Variants in PTPRM observed in about 807,000 individuals in gnomAD.
PTPRM encodes protein tyrosine phosphatase receptor type M, also known as receptor-type tyrosine-protein phosphatase mu.
A neutral mutation model predicts 186.7 loss-of-function variants in PTPRM; 47 were observed. The observed-to-expected ratio is 0.25, with a 90% CI of 0.20 to 0.32. PTPRM has a LOEUF of 0.32. Ranked by LOEUF, PTPRM falls within the 10% of genes least tolerant of loss-of-function variation. PTPRM has a pLI of 1.00. For synonymous variants in PTPRM, 668 were observed against 674.9 expected, an observed-to-expected ratio of 0.99 and a Z score of 0.16; for missense variants, 1,494 against 1,865.0, an observed-to-expected ratio of 0.80 and a Z score of 3.66.
chr18:8,193,833 T>A (rs2093740142), intron 14 of PTPRM, among the ~76,000 whole-genome samples: 1 of 152,244 alleles, frequency 6.6e-6, no homozygotes, highest in Non-Finnish European at 1.5e-5. Context: ...CACTCTGCTA[T>A]GTGTCGCTGA....
At chr18:7,957,975 A>G (rs763500517) in intron 7 of PTPRM, among the ~76,000 whole-genome samples, 3 of 152,202 alleles carry the variant, frequency 2.0e-5, no homozygotes, top group Non-Finnish European at 2.9e-5. Flanking sequence ...ATCCTTGGCC[A>G]GGGGCAAATG....
chr18:7,634,275 G>A (rs1692592171), intron 1 of PTPRM, among the ~76,000 whole-genome samples: 1 of 151,754 alleles, frequency 6.6e-6, no homozygotes. Flanking sequence ...CCAGCCTCTC[G>A]ATTCCCATTG....
At chr18:7,805,251 CT>C (rs1325913085) in intron 2 of PTPRM, among the ~76,000 whole-genome samples, 1 of 152,184 alleles carries the variant, frequency 6.6e-6, no homozygotes, top group Non-Finnish European at 1.5e-5. Context: ...AACTTAACAT[CT>C]CTTAAACCGC....
intron 14 of PTPRM, among the ~76,000 whole-genome samples, chr18:8,168,271 T>C (rs2093351293): frequency 6.6e-6 from 1 of 152,236 alleles, no homozygotes; most frequent in African/African-American, 2.4e-5. Context: ...CTAATCTTAG[T>C]TTTATACCAA....
intron 4 of PTPRM, among the ~76,000 whole-genome samples, chr18:7,914,205 T>A (rs1372551731): frequency 6.6e-6 from 1 of 152,170 alleles, no homozygotes; most frequent in African/African-American, 2.4e-5. Flanking sequence ...GGACTCAGAA[T>A]TGACCTTTCA....
At chr18:7,984,913 T>A (rs1170465583) in intron 7 of PTPRM, among the ~76,000 whole-genome samples, 3 of 114,766 alleles carry the variant, frequency 2.6e-5, no homozygotes, top group African/African-American at 7.0e-5. Flanking sequence ...ATACATATAA[T>A]TATATATACA....
chr18:7,800,326 T>A (rs576648923), intron 2 of PTPRM, among the ~76,000 whole-genome samples: 1 of 152,328 alleles, frequency 6.6e-6, no homozygotes, highest in East Asian at 1.9e-4. Context: ...GAAAATATGT[T>A]TATCAGTCTT....
intron 14 of PTPRM, among the ~76,000 whole-genome samples, chr18:8,211,511 C>A (rs977332591): frequency 1.3e-5 from 2 of 148,216 alleles, no homozygotes; most frequent in African/African-American, 5.0e-5. Flanking sequence ...TCAAGTGATT[C>A]TCCTACCTCA....
chr18:8,177,044 T>G (rs1423721121), intron 14 of PTPRM, among the ~76,000 whole-genome samples: 1 of 152,236 alleles, frequency 6.6e-6, no homozygotes, highest in African/African-American at 2.4e-5. Flanking sequence ...TTCATATTTC[T>G]TCTGTCAACC....
chr18:8,026,165 C>T (rs1242911712), intron 7 of PTPRM, among the ~76,000 whole-genome samples: 2 of 152,170 alleles, frequency 1.3e-5, no homozygotes, highest in South Asian at 2.1e-4. Flanking sequence ...TATTCAGAGG[C>T]GGGATTTCTC....
chr18:7,957,153 A>G (rs1260095004), intron 7 of PTPRM, among the ~76,000 whole-genome samples: 2 of 150,660 alleles, frequency 1.3e-5, no homozygotes, highest in East Asian at 1.9e-4. Context: ...CCCCACCTAC[A>G]TAATGTTTCC....
intron 4 of PTPRM, among the ~76,000 whole-genome samples, chr18:7,909,337 G>T (rs1485979530): frequency 6.6e-6 from 1 of 152,130 alleles, no homozygotes. Context: ...TACCTAATTG[G>T]CTTTGGGAAC....
At chr18:8,276,964 C>T (rs1237126688) in intron 19 of PTPRM, among the ~76,000 whole-genome samples, 1 of 149,154 alleles carries the variant, frequency 6.7e-6, no homozygotes, top group Non-Finnish European at 1.5e-5. Flanking sequence ...TTTTTTGAGA[C>T]AGTCTCACTC....
chr18:7,847,607 C>T (rs2145903184), intron 2 of PTPRM, among the ~76,000 whole-genome samples: 1 of 152,270 alleles, frequency 6.6e-6, no homozygotes, highest in East Asian at 1.9e-4. Context: ...GCTCAGCTCA[C>T]TTCTCACTGT....
intron 31 of PTPRM, among the ~76,000 whole-genome samples, chr18:8,387,884 C>T (rs1466888783): frequency 6.6e-6 from 1 of 151,992 alleles, no homozygotes; most frequent in African/African-American, 2.4e-5. Context: ...TATGGGCACC[C>T]CTGCTACACA....
At chr18:7,938,893 A>G (rs1316946930) in intron 5 of PTPRM, among the ~76,000 whole-genome samples, 1 of 152,202 alleles carries the variant, frequency 6.6e-6, no homozygotes, top group African/African-American at 2.4e-5. Flanking sequence ...ATATATTGCT[A>G]GCATATGATG....
intron 7 of PTPRM, among the ~76,000 whole-genome samples, chr18:8,050,301 C>G (rs980350019): frequency 1.3e-5 from 2 of 152,154 alleles, no homozygotes; most frequent in African/African-American, 4.8e-5. Context: ...ACGATAAGAG[C>G]ATGAATTAGA....
chr18:7,774,047 G>A (rs545193308), intron 1 of PTPRM, 102 bp from the exon 2 acceptor site: 18 of 1,190,336 alleles, frequency 1.5e-5, no homozygotes, highest in East Asian at 2.4e-5. Flanking sequence ...ATTTAGTTTG[G>A]CATCAAACTT....
intron 19 of PTPRM, among the ~76,000 whole-genome samples, chr18:8,258,239 T>A (rs2094593317): frequency 2.0e-5 from 3 of 152,196 alleles, no homozygotes; most frequent in African/African-American, 7.2e-5. Flanking sequence ...AAGGGCAGTC[T>A]GTGCTAAGCC....
Sources: gnomAD v4.1 joint callset for allele counts (sites outside exome capture counted in the v4.1 genomes callset) on GRCh38, gnomAD v4.1.1 for gene constraint, MANE v1.5 for transcripts, NCBI Gene and HGNC (gene_info 2026-07-23, HGNC 2026-07-21) for gene names.